The following MTAP variants were observed in gnomAD, a reference collection of about 807,000 sequenced individuals.
MTAP encodes S-methyl-5'-thioadenosine phosphorylase.
A neutral mutation model predicts 33.6 loss-of-function variants in MTAP; 33 were observed. That is an observed-to-expected ratio of 0.98 (90% CI 0.74 to 1.31). MTAP has a LOEUF of 1.31. Among genes scored for constraint, MTAP ranks in the 40% most tolerant of loss-of-function variants. The pLI, the probability that MTAP is intolerant of heterozygous loss-of-function variation, is 0.00. For missense variants in MTAP, 367 were observed against 360.0 expected (o/e 1.02, Z -0.16); for synonymous variants, 148 against 125.7 (o/e 1.18, Z -1.19).
At chr9:21,817,683 T>C (rs373192199) in intron 3 of MTAP, among the ~76,000 whole-genome samples, 2 of 152,124 alleles carry the variant, frequency 1.3e-5, no homozygotes, top group East Asian at 3.9e-4. Flanking sequence ...GAGAATCTCC[T>C]ATGCATGCTT....
At chr9:21,903,716 G>T (rs546460097) in intron 1 of MTAP, among the ~76,000 whole-genome samples, 1 of 152,274 alleles carries the variant, frequency 6.6e-6, no homozygotes, top group South Asian at 2.1e-4. Context: ...AAGGGCATGC[G>T]ATGAGGGAGT....
At chr9:21,816,595 C>A in intron 2 of MTAP, 119 bp from the exon 3 acceptor site, 1 of 787,894 alleles carries the variant, frequency 1.3e-6, no homozygotes, top group Non-Finnish European at 2.0e-6. Flanking sequence ...CTTGCCTCTT[C>A]TCTAAGTTGT....
Position 21,863,166 on chromosome 9 carries a change from C to T in MTAP, c.*1152C>T. The T allele has an allele frequency of 1.0e-6, 1 of 962,484 alleles. No individual in the cohort carries two copies. Among genetic ancestry groups the T allele is most frequent in the South Asian group, 4.8e-5 (1 of 20,820 alleles). The allele number at this position is 962,484 out of a possible 1,614,324, so 59.6% of individuals were successfully genotyped here. A position where few individuals can be genotyped will look rare whatever the true frequency, so the allele number is the denominator to read the frequency against. On this transcript the variant is annotated 3_prime_UTR_variant, in exon 8 of 8. Coordinates refer to ENST00000644715, the MANE Select transcript of MTAP (RefSeq NM_002451.4). ...GTTTAACTATTTAAAAGACTAAATG[C>T]ACATTTTATGGTATCTGATATTTTA...
intron 1 of MTAP, among the ~76,000 whole-genome samples, chr9:21,914,996 T>TTCCTTCC (rs1225772665): frequency 3.3e-5 from 4 of 119,966 alleles, no homozygotes; most frequent in South Asian, 3.0e-4. Flanking sequence ...AATACTTTGT[T>TTCCTTCC]TTCTTTCCTT....
At chr9:21,888,123 A>C (rs1818143807) in intron 1 of MTAP, among the ~76,000 whole-genome samples, 1 of 152,080 alleles carries the variant, frequency 6.6e-6, no homozygotes, top group Non-Finnish European at 1.5e-5. Context: ...ATGTATTTTC[A>C]TGCTTTTGAG....
downstream of MTAP, chr9:21,934,049 T>C (rs1819004939): frequency 6.6e-6 from 1 of 152,188 alleles, no homozygotes; most frequent in African/African-American, 2.4e-5. The surrounding 1 kb of genome is among the most constrained non-coding windows in gnomAD (Gnocchi z 5.0). Context: ...CCTCCAGAGT[T>C]ACAGCTGATT....
chr9:21,909,830 C>G (rs1448913300), intron 1 of MTAP, among the ~76,000 whole-genome samples: 2 of 152,132 alleles, frequency 1.3e-5, no homozygotes, highest in Non-Finnish European at 2.9e-5. Flanking sequence ...AATTTCCCCA[C>G]TTTATAGATG....
At chr9:21,816,667 C>G in intron 2 of MTAP, 47 bp from the exon 3 acceptor site, 1 of 1,525,648 alleles carries the variant, frequency 6.6e-7, no homozygotes, top group Non-Finnish European at 9.0e-7. Flanking sequence ...ATTTACATAC[C>G]TGTTTTTAAA....
At position 21,859,348 on chromosome 9, in the gene MTAP, A is replaced by G. The variant is rs1825705783; in HGVS notation, c.736A>G (p.Lys246Glu). 25 of 1,613,638 alleles carry G rather than the reference A, an allele frequency of 1.5e-5. No homozygotes were observed. Among genetic ancestry groups the G allele is most frequent in the South Asian group, 6.6e-5 (6 of 90,972 alleles). The change falls in exon 7 of 8, where the codon AAA becomes GAA. Residue 246 changes from lysine (K) to glutamate (E), a missense_variant. Physicochemically the swap from Lys to Glu is moderately conservative, Grantham distance 56. Transcript: ENST00000644715. Reference protein sequence around the residue: ...VLKTLKENANKAKSLLLTTIP... With the variant: ...VLKTLKENANEAKSLLLTTIP... The stretch of plus-strand genomic sequence containing the variant: ...AAAGACCCTGAAAGAAAACGCTAAT[A>G]AAGCCAAAAGCTTACTGCTCACTAC...
intron 1 of MTAP, among the ~76,000 whole-genome samples, chr9:21,883,210 A>G (rs1818045622): frequency 6.6e-6 from 1 of 152,072 alleles, no homozygotes; most frequent in Non-Finnish European, 1.5e-5. Flanking sequence ...CAATTAGAAA[A>G]GGGAGTAAAA....
chr9:21,914,423 C>T (rs568190773), intron 1 of MTAP, among the ~76,000 whole-genome samples: 1 of 152,164 alleles, frequency 6.6e-6, no homozygotes, highest in African/African-American at 2.4e-5. Context: ...AAATGTTGTA[C>T]ATATACACCA....
chr9:21,845,488 A>C (rs955166910), intron 5 of MTAP, among the ~76,000 whole-genome samples: 1 of 152,212 alleles, frequency 6.6e-6, no homozygotes, highest in Non-Finnish European at 1.5e-5. Context: ...CTACAAGGAG[A>C]ACTACAGAAC....
In MTAP at chr9:21,915,010, TCCTTCCTTCCTTCCTTC is replaced by T. The variant is rs1563869340; in HGVS notation, c.148-15996_148-15980del. 2.5e-3 allele frequency among the ~76,000 whole-genome samples: 183 copies of T among 74,462 alleles called. 17 individuals carry two copies. The highest frequency in any genetic ancestry group is 0.014 in the African/African-American group (176 of 12,236). 48.8% of individuals were successfully genotyped at this position (74,462 alleles called of 152,430 possible). On this transcript the variant is annotated intron_variant, in intron 1 of 1. Transcript: ENST00000577563. ...CAATACTTTGTTTTCTTTCCTTCCT[TCCTTCCTTCCTTCCTTC>T]CTTCCTTCCTTCCTTCCTTCCTTCC...
At chr9:21,818,423 G>C (rs1487349572) in intron 4 of MTAP, among the ~76,000 whole-genome samples, 1 of 145,452 alleles carries the variant, frequency 6.9e-6, no homozygotes. Context: ...CGCCTCCCAG[G>C]TTCAAGCAAT....
chr9:21,875,691 G>C (rs1825996832), intron 1 of MTAP, among the ~76,000 whole-genome samples: 1 of 152,072 alleles, frequency 6.6e-6, no homozygotes, highest in South Asian at 2.1e-4. Flanking sequence ...ATGGCATCCA[G>C]CTCCATCTAT....
At chr9:21,867,129 G>T (rs1456599456), downstream of MTAP, 4 of 152,062 alleles carry the variant, frequency 2.6e-5, no homozygotes, top group Non-Finnish European at 5.9e-5. Flanking sequence ...GATACCTTGT[G>T]TACACAATCA....
intron 4 of MTAP, among the ~76,000 whole-genome samples, chr9:21,827,635 C>T (rs1824856350): frequency 6.6e-6 from 1 of 152,164 alleles, no homozygotes; most frequent in Admixed American, 6.5e-5. Flanking sequence ...TCCCTCTAAG[C>T]CATGTGAGAT....
intron 5 of MTAP, among the ~76,000 whole-genome samples, chr9:21,838,329 G>A (rs529944527): frequency 1.3e-5 from 2 of 152,256 alleles, no homozygotes; most frequent in East Asian, 1.9e-4. Context: ...GATTACTTAG[G>A]ATCAAATCTC....
At chr9:21,893,162 T>C (rs1339797678) in intron 1 of MTAP, 2 of 152,154 alleles carry the variant, frequency 1.3e-5, no homozygotes, top group Admixed American at 1.3e-4. Flanking sequence ...AATGCTGACA[T>C]TAAAATTGCC....
Sources: gnomAD v4.1 joint callset for allele counts (sites outside exome capture counted in the v4.1 genomes callset) on GRCh38, gnomAD v4.1.1 for gene constraint, Gnocchi (gnomAD v3.1) non-coding constraint, MANE v1.5 for transcripts, NCBI Gene and HGNC (gene_info 2026-07-23, HGNC 2026-07-21) for gene names.